YWHAE: variants seen among roughly 807,000 people sequenced by gnomAD.
YWHAE encodes tyrosine 3-monooxygenase/tryptophan 5-monooxygenase activation protein epsilon, also known as 14-3-3 protein epsilon.
In YWHAE, 4 loss-of-function variants were observed where a neutral mutation model predicts 30.1. That is an observed-to-expected ratio of 0.13 (90% confidence interval 0.07 to 0.30). YWHAE has a LOEUF of 0.30. Among genes scored for constraint, YWHAE ranks in the 10% least tolerant of loss-of-function variants. The probability of loss-of-function intolerance (pLI) is 1.00; values close to 1 mark genes in which losing one functional copy is unlikely to be tolerated. For missense variants in YWHAE, 121 were observed against 315.9 expected (o/e 0.38, Z 4.68); for synonymous variants, 118 against 111.8 (o/e 1.06, Z -0.35).
Position 1,379,468 on chromosome 17 carries a change from A to C in YWHAE, c.65-14410T>G, listed in dbSNP as rs546737351. 5.3e-5 allele frequency among the ~76,000 whole-genome samples: 8 copies of C among 152,332 alleles called. No individual in the cohort carries two copies. The South Asian group carries it at 1.2e-3, about 24-fold the overall frequency. ...CCACTGCACTCCAGCCTGGGCAAAG[A>C]AAGCAAGACTCTGCCTCAAAAGAAG... On this transcript the variant is annotated intron_variant, in intron 1 of 5. Transcript: ENST00000264335.
intron 4 of YWHAE, among the ~76,000 whole-genome samples, chr17:1,354,977 T>G (rs1471735730): frequency 2.7e-5 from 2 of 73,718 alleles, no homozygotes; most frequent in African/African-American, 1.0e-4. Flanking sequence ...TTTTTTTTTT[T>G]TTTTTTTTTT....
intron 1 of YWHAE, among the ~76,000 whole-genome samples, chr17:1,390,271 AATT>A (rs2073370158): frequency 6.6e-6 from 1 of 152,212 alleles, no homozygotes; most frequent in African/African-American, 2.4e-5. Context: ...AACATGACAA[AATT>A]ATTATTTGGG....
intron 5 of YWHAE, among the ~76,000 whole-genome samples, chr17:1,350,842 G>A (rs1413528092): frequency 1.3e-5 from 2 of 149,004 alleles, no homozygotes; most frequent in South Asian, 2.2e-4. Flanking sequence ...GGTGGACCAC[G>A]AGGTCAGGAG....
intron 4 of YWHAE, 127 bp downstream of exon 4, chr17:1,360,965 G>T: frequency 1.2e-6 from 1 of 820,924 alleles, no homozygotes; most frequent in South Asian, 1.7e-5. Context: ...AGTAGTTTCA[G>T]TAAGAGCCAA....
intron 3 of YWHAE, 137 bp downstream of exon 3, chr17:1,361,765 T>A: frequency 1.7e-6 from 1 of 587,320 alleles, no homozygotes; most frequent in Non-Finnish European, 2.9e-6. Flanking sequence ...AACCACCTTT[T>A]CATTACAATA....
chr17:1,351,211 TTAGC>T (rs1330218104), intron 5 of YWHAE, among the ~76,000 whole-genome samples: 2 of 151,516 alleles, frequency 1.3e-5, no homozygotes, highest in African/African-American at 4.9e-5. Flanking sequence ...ATACAAAAAA[TTAGC>T]TAGGAGTGGT....
At chr17:1,352,669 G>A (rs1386085670) in intron 5 of YWHAE, among the ~76,000 whole-genome samples, 1 of 152,060 alleles carries the variant, frequency 6.6e-6, no homozygotes, top group Non-Finnish European at 1.5e-5. Flanking sequence ...GGGACTACAG[G>A]AGCCCGCCAC....
intron 1 of YWHAE, among the ~76,000 whole-genome samples, chr17:1,394,460 A>AACAAAAC (rs2073436678): frequency 7.3e-6 from 1 of 137,542 alleles, no homozygotes; most frequent in African/African-American, 2.9e-5. Flanking sequence ...AAAAAAAAAA[A>AACAAAAC]ACACAAAAAT....
At chr17:1,393,313 CCT>C (rs989673801) in intron 1 of YWHAE, among the ~76,000 whole-genome samples, 6 of 150,364 alleles carry the variant, frequency 4.0e-5, no homozygotes, top group African/African-American at 1.2e-4. Flanking sequence ...CAAGTGAGAC[CCT>C]GTCTCAAAAA....
At chr17:1,359,882 A>AGAGGGAGAGGGAGACGGG (rs1567962474) in intron 4 of YWHAE, among the ~76,000 whole-genome samples, 60 of 116,874 alleles carry the variant, frequency 5.1e-4, no homozygotes, top group Non-Finnish European at 9.5e-4. Context: ...CGCCCAGGCG[A>AGAGGGAGAGGGAGACGGG]GAGGGAGAGG....
intron 5 of YWHAE, among the ~76,000 whole-genome samples, chr17:1,353,713 G>A (rs759175883): frequency 3.3e-5 from 5 of 149,976 alleles, no homozygotes; most frequent in East Asian, 2.0e-4. Context: ...GCAGTAAGCC[G>A]AGATTGAGCC....
At chr17:1,363,162 T>C (rs1237743369) in intron 2 of YWHAE, among the ~76,000 whole-genome samples, 1 of 152,198 alleles carries the variant, frequency 6.6e-6, no homozygotes, top group Non-Finnish European at 1.5e-5. Flanking sequence ...GAAGTCTGAA[T>C]TGCAACACTC....
chr17:1,377,210 G>A (rs1414483294), intron 1 of YWHAE, among the ~76,000 whole-genome samples: 4 of 152,018 alleles, frequency 2.6e-5, no homozygotes, highest in Non-Finnish European at 5.9e-5. Context: ...TACCACACCC[G>A]GCCCTAATCC....
intron 4 of YWHAE, among the ~76,000 whole-genome samples, chr17:1,359,570 C>G (rs377637630): frequency 6.6e-6 from 1 of 151,522 alleles, no homozygotes; most frequent in Non-Finnish European, 1.5e-5. Flanking sequence ...AAACATTACG[C>G]TAGATGAAAT....
At chr17:1,387,957 ACT>A (rs959274199) in intron 1 of YWHAE, among the ~76,000 whole-genome samples, 1 of 105,864 alleles carries the variant, frequency 9.4e-6, no homozygotes, top group Non-Finnish European at 1.8e-5. Context: ...ACGGAGTCTC[ACT>A]CTGTCGTTCA....
intron 1 of YWHAE, among the ~76,000 whole-genome samples, chr17:1,379,639 A>G (rs1037732608): frequency 6.6e-6 from 1 of 152,208 alleles, no homozygotes; most frequent in Non-Finnish European, 1.5e-5. Flanking sequence ...ATATTTTCTT[A>G]GAAAAACAAA....
intron 1 of YWHAE, among the ~76,000 whole-genome samples, chr17:1,373,537 G>C (rs575372436): frequency 6.6e-6 from 1 of 151,780 alleles, no homozygotes; most frequent in South Asian, 2.1e-4. Flanking sequence ...GCATGGTGGC[G>C]GGCGCCTGTA....
intron 2 of YWHAE, among the ~76,000 whole-genome samples, chr17:1,363,700 T>C (rs1479686773): frequency 6.6e-6 from 1 of 152,204 alleles, no homozygotes; most frequent in Non-Finnish European, 1.5e-5. Flanking sequence ...CACAAATACA[T>C]GTAACAAAAA....
At chr17:1,365,172 T>C (rs1464320800) in intron 1 of YWHAE, 114 bp from the exon 2 acceptor site, 1 of 1,159,108 alleles carries the variant, frequency 8.6e-7, no homozygotes, top group Non-Finnish European at 1.2e-6. Flanking sequence ...TTAACAAAAA[T>C]AATTTCATAA....
Sources: allele counts gnomAD v4.1 joint callset (sites outside exome capture counted in the v4.1 genomes callset), GRCh38; gene constraint gnomAD v4.1.1; transcripts MANE v1.5; gene names NCBI Gene and HGNC (gene_info 2026-07-23, HGNC 2026-07-21).